Variants in CHST8 observed in about 807,000 individuals in gnomAD.
The protein encoded by CHST8 is carbohydrate sulfotransferase 8, also known as GALNAC-4-ST1.
CHST8 carries 10 observed loss-of-function variants against 15.0 expected under a neutral mutation model. The observed-to-expected ratio is 0.67, with a 90% CI of 0.41 to 1.13. The LOEUF (loss-of-function observed/expected upper bound fraction) is 1.13. CHST8 is among the 50% of genes most tolerant of loss of function. The pLI is 0.00. For missense variants in CHST8, 634 were observed against 608.2 expected (o/e 1.04, Z -0.45); for synonymous variants, 259 against 256.6 (o/e 1.01, Z -0.09).
chr19:33,658,334 C>T (rs1008383827), intron 1 of CHST8, among the ~76,000 whole-genome samples: 6 of 151,968 alleles, frequency 3.9e-5, no homozygotes, highest in Admixed American at 6.6e-5. Flanking sequence ...AGTGAAACTC[C>T]GTCCCAAAAA....
intron 2 of CHST8, among the ~76,000 whole-genome samples, chr19:33,676,477 G>GGA (rs1053392521): frequency 6.6e-6 from 1 of 152,196 alleles, no homozygotes; most frequent in African/African-American, 2.4e-5. Flanking sequence ...GGCTGAGGCA[G>GGA]GAGAATCACT....
chr19:33,769,565 G>A (rs957271368), intron 3 of CHST8, among the ~76,000 whole-genome samples: 4 of 152,110 alleles, frequency 2.6e-5, no homozygotes, highest in South Asian at 2.1e-4. Context: ...CTGGAGGCTC[G>A]TGCTGGGACA....
chr19:33,695,826 T>TTC (rs1973206918), intron 3 of CHST8, among the ~76,000 whole-genome samples: 1 of 141,592 alleles, frequency 7.1e-6, no homozygotes, highest in African/African-American at 2.7e-5. Flanking sequence ...TCTTTCTTTT[T>TTC]TTTTTTTTTT....
intron 3 of CHST8, among the ~76,000 whole-genome samples, chr19:33,737,151 G>C (rs1244372880): frequency 6.6e-6 from 1 of 152,176 alleles, no homozygotes; most frequent in Non-Finnish European, 1.5e-5. Context: ...TAATCTACCC[G>C]TTATTTAGCA....
intron 3 of CHST8, among the ~76,000 whole-genome samples, chr19:33,726,371 GGCAATATA>G (rs763693169): frequency 3.2e-4 from 48 of 152,166 alleles, no homozygotes; most frequent in Admixed American, 9.2e-4. Flanking sequence ...GACCAGCCTG[GGCAATATA>G]GCGAGACCCC....
Position 33,743,279 on chromosome 19 carries a change from T to C in CHST8, c.131-28134T>C, listed in dbSNP as rs80040935. On this transcript the variant is annotated intron_variant, in intron 3 of 4. Coordinates refer to ENST00000650847, the MANE Select transcript of CHST8 (RefSeq NM_001127895.2). ...GGAGCCTTTTGATCTCTTCCTGCAC[T>C]ATCTACCACAGCAATTCTTTTTTTT... Among the ~76,000 whole-genome samples, 1,007 of 151,080 alleles carry C rather than the reference T, an allele frequency of 6.7e-3. 8 individuals are homozygous for C. Among genetic ancestry groups the C allele is most frequent in the African/African-American group, 0.022 (908 of 41,212 alleles).
chr19:33,695,095 C>T (rs572740052), intron 3 of CHST8, among the ~76,000 whole-genome samples: 56 of 152,148 alleles, frequency 3.7e-4, no homozygotes, highest in South Asian at 1.9e-3. Flanking sequence ...CACAGGCAGA[C>T]GCCACTACAC....
chr19:33,762,220 C>A (rs1404318747), intron 3 of CHST8, among the ~76,000 whole-genome samples: 2 of 152,198 alleles, frequency 1.3e-5, no homozygotes, highest in African/African-American at 4.8e-5. Flanking sequence ...GAAGCAGGAG[C>A]TGAGGATCTC....
At chr19:33,645,494 G>A (rs1457270535) in intron 1 of CHST8, among the ~76,000 whole-genome samples, 1 of 152,210 alleles carries the variant, frequency 6.6e-6, no homozygotes, top group African/African-American at 2.4e-5. Context: ...TTTGAAGGCA[G>A]AGCCAACAAG....
chr19:33,729,112 T>C (rs192941776), intron 3 of CHST8, among the ~76,000 whole-genome samples: 1 of 152,222 alleles, frequency 6.6e-6, no homozygotes, highest in Admixed American at 6.5e-5. Flanking sequence ...CCCTGCAATT[T>C]AGTAATCCCA....
intron 1 of CHST8, among the ~76,000 whole-genome samples, chr19:33,645,576 A>C (rs1421753711): frequency 6.6e-6 from 1 of 152,112 alleles, no homozygotes; most frequent in Non-Finnish European, 1.5e-5. Flanking sequence ...GGATGGAGTG[A>C]CCCACAGCTG....
intron 1 of CHST8, among the ~76,000 whole-genome samples, chr19:33,639,025 A>G (rs960390388): frequency 1.4e-5 from 2 of 145,158 alleles, no homozygotes; most frequent in Admixed American, 1.5e-4. Flanking sequence ...TTGTGCTTAA[A>G]GGTGGCTTGC....
At chr19:33,685,189 C>G (rs1972955412) in intron 2 of CHST8, 1 of 152,186 alleles carries the variant, frequency 6.6e-6, no homozygotes, top group Non-Finnish European at 1.5e-5. Flanking sequence ...TGCTGCCGGT[C>G]GCCACTGGAG....
chr19:33,770,524 T>C (rs1409303694), intron 3 of CHST8, among the ~76,000 whole-genome samples: 2 of 152,354 alleles, frequency 1.3e-5, no homozygotes, highest in East Asian at 3.9e-4. Context: ...CTTGTCCTCC[T>C]GCGACTTTCC....
chr19:33,632,494 T>G (rs372452387), intron 1 of CHST8, among the ~76,000 whole-genome samples: 31 of 152,232 alleles, frequency 2.0e-4, no homozygotes, highest in African/African-American at 7.0e-4. Flanking sequence ...TGATGTCTTC[T>G]TCTTGTCCTG....
At chr19:33,758,922 CG>C (rs143978654) in intron 3 of CHST8, among the ~76,000 whole-genome samples, 36 of 147,004 alleles carry the variant, frequency 2.4e-4, no homozygotes, top group East Asian at 4.1e-4. Context: ...GGTTTCTTGG[CG>C]GGGGGGGGCG....
At chr19:33,663,099 T>A (rs977776352) in intron 1 of CHST8, among the ~76,000 whole-genome samples, 1 of 152,144 alleles carries the variant, frequency 6.6e-6, no homozygotes, top group Non-Finnish European at 1.5e-5. Context: ...TATCTTCAAA[T>A]GGACAGGATG....
intron 2 of CHST8, among the ~76,000 whole-genome samples, chr19:33,670,043 A>G (rs1972717010): frequency 6.6e-6 from 1 of 152,230 alleles, no homozygotes; most frequent in Non-Finnish European, 1.5e-5. Context: ...GTGTGTGAAT[A>G]CAAGGGGAAA....
chr19:33,687,762 G>C (rs1209557753), intron 2 of CHST8, among the ~76,000 whole-genome samples: 1 of 152,244 alleles, frequency 6.6e-6, no homozygotes, highest in African/African-American at 2.4e-5. Context: ...GGAGCAGGGA[G>C]AGTGCCTCTT....
Sources: gnomAD v4.1 joint callset for allele counts (sites outside exome capture counted in the v4.1 genomes callset) on GRCh38, gnomAD v4.1.1 for gene constraint, MANE v1.5 for transcripts, NCBI Gene and HGNC (gene_info 2026-07-23, HGNC 2026-07-21) for gene names.